Variants in HLX observed in about 807,000 individuals in gnomAD.
HLX encodes the protein H2.0-like homeobox protein.
Under a neutral mutation model 27.7 loss-of-function variants are expected in HLX, and 6 were observed. That is an observed-to-expected ratio of 0.22 (90% CI 0.12 to 0.43). HLX has a LOEUF of 0.43. Among genes scored for constraint, HLX ranks in the 20% least tolerant of loss-of-function variants. The pLI, the probability that HLX is intolerant of heterozygous loss-of-function variation, is 1.00. For synonymous variants in HLX, 328 were observed against 293.8 expected (o/e 1.12, Z -1.19); for missense variants, 666 against 655.2 (o/e 1.02, Z -0.18).
At chr1:220,883,282 AGTACAC>A (rs1180434735) in intron 3 of HLX, 1 of 95,160 alleles carries the variant, frequency 1.1e-5, no homozygotes, top group African/African-American at 3.8e-5. Flanking sequence ...TCTTCTCCCC[AGTACAC>A]ACACACACAC....
At chr1:220,881,785 CA>C in intron 2 of HLX, 1 of 389,890 alleles carries the variant, frequency 2.6e-6, no homozygotes. Flanking sequence ...CACACACACA[CA>C]CACACACACA....
chr1:220,879,879 C>G lies in HLX; in HGVS notation c.22C>G (p.Pro8Ala). ...CAGGATGTTCGCAGCCGGGCTGGCT[C>G]CCTTCTACGCCTCCAACTTCAGCCT... MFAAGLA[P>A]FYASNFSLWS... is the part of the protein sequence containing the mutation. The change falls in exon 1 of 4, where the codon CCC (proline) becomes GCC (alanine). Residue 8 changes from proline (P) to alanine (A), a missense_variant. By Grantham distance (27) the Pro-to-Ala change is conservative. Coordinates refer to ENST00000366903, the MANE Select transcript of HLX (RefSeq NM_021958.4). 1 of 1,586,926 alleles carries G rather than the reference C, an allele frequency of 6.3e-7. No individual in the cohort carries two copies. Among genetic ancestry groups the G allele is most frequent in the Non-Finnish European group, 8.5e-7 (1 of 1,173,482 alleles).
In HLX at chr1:220,884,314, T is replaced by C. The variant is rs1674520057; in HGVS notation, c.1077T>C (p.Asp359=). The change falls in exon 4 of 4, where the codon GAT becomes GAC. Residue 359 remains aspartate, a synonymous_variant. Transcript: ENST00000366903. This position sits in a 1 kb window ranked among gnomAD's most constrained non-coding sequence, Gnocchi z 4.9. ...EKPSGGAPAA[D]GEQDERSPSR... ...CATCAGGTGGAGCCCCGGCTGCGGA[T>C]GGCGAGCAGGACGAGAGGAGCCCCA... The C allele has an allele frequency of 4.3e-6, 7 of 1,613,532 alleles. No individual in the cohort carries two copies. Among genetic ancestry groups the C allele is most frequent in the Non-Finnish European group, 5.9e-6 (7 of 1,179,716 alleles).
At position 220,882,243 on chromosome 1, in the gene HLX, C is replaced by G; in HGVS notation, c.852C>G (p.Ser284=). 6.2e-7 allele frequency: 1 copy of G among 1,614,220 alleles called. No individual in the cohort carries two copies. Among genetic ancestry groups the G allele is most frequent in the East Asian group, 2.2e-5 (1 of 44,880 alleles). The part of the protein sequence containing the change: ...RKRSWSRAVF[S]NLQRKGLEKR... Reference sequence around the variant, plus strand: ...GTTCATGGTCGCGCGCTGTGTTCTCCAACCTGCAGAGGAAAGGCCTGGAGA... The same window carrying G: ...GTTCATGGTCGCGCGCTGTGTTCTCGAACCTGCAGAGGAAAGGCCTGGAGA... The change falls in exon 3 of 4, where the codon TCC becomes TCG. Residue 284 remains serine, a synonymous_variant. Coordinates refer to ENST00000366903, the MANE Select transcript of HLX (RefSeq NM_021958.4).
Position 220,879,582 on chromosome 1 carries a change from G to T in HLX, c.-276G>T, listed in dbSNP as rs988589596. The T allele has an allele frequency of 8.4e-6, 4 of 477,628 alleles. No individual in the cohort carries two copies. The highest frequency in any genetic ancestry group is 3.4e-5 in the South Asian group (1 of 29,250). 29.6% of individuals were successfully genotyped at this position (477,628 alleles called of 1,614,324 possible). ...CCCCCGCCCGCCCTGCGGCCCCAGC[G>T]CCCCTCGCTCTCATCCAGCCCGCGA... On this transcript the variant is annotated 5_prime_UTR_variant, in exon 1 of 4. Transcript: ENST00000366903.
Position 220,884,011 on chromosome 1 carries a change from G to A in HLX, c.958-184G>A, listed in dbSNP as rs1004718170. ...CCTAGGCCAGGATTCCTGGCTTCTTGTGTTCCCCTGGGCTGCCCCTTGGCT... is the reference window on the plus strand; with the variant it reads ...CCTAGGCCAGGATTCCTGGCTTCTTATGTTCCCCTGGGCTGCCCCTTGGCT... On this transcript the variant is annotated intron_variant, in intron 3 of 3. Transcript: ENST00000366903. This position sits in a 1 kb window ranked among gnomAD's most constrained non-coding sequence, Gnocchi z 4.9. The A allele has an allele frequency of 6.3e-6, 4 of 632,430 alleles. No homozygotes were observed. Among genetic ancestry groups the A allele is most frequent in the Non-Finnish European group, 1.1e-5 (4 of 360,918 alleles). The allele number at this position is 632,430 out of a possible 1,614,324, so 39.2% of individuals were successfully genotyped here.
intron 2 of HLX, chr1:220,881,604 G>A: frequency 1.7e-6 from 1 of 595,268 alleles, no homozygotes. Context: ...GTGTGTGCGT[G>A]GACGGTGGGG....
chr1:220,881,080 C>T (rs550683049), intron 1 of HLX, 114 bp from the exon 2 acceptor site: 53 of 988,670 alleles, frequency 5.4e-5, no homozygotes, highest in Non-Finnish European at 8.1e-5. Context: ...CGGGTTCTCT[C>T]TTGACTTCGC....
At position 220,884,186 on chromosome 1, in the gene HLX, G is replaced by A. The variant is rs149152615; in HGVS notation, c.958-9G>A. On this transcript the variant is annotated splice_polypyrimidine_tract_variant and intron_variant, in intron 3 of 3. Coordinates refer to ENST00000366903, the MANE Select transcript of HLX (RefSeq NM_021958.4). The surrounding 1 kb of genome is among the most constrained non-coding windows in gnomAD (Gnocchi z 4.9). ...GTCTCTTCTTGTCTCCCGGTGTGGC[G>A]CGGCGCAGGTGAAGGTGTGGTTCCA... 6,956 of 1,613,810 alleles carry A rather than the reference G, an allele frequency of 4.3e-3. 19 individuals are homozygous for A. The highest frequency in any genetic ancestry group is 4.8e-3 in the Non-Finnish European group (5,706 of 1,179,914).
Position 220,881,174 on chromosome 1 carries a change from T to G in HLX, c.593-20T>G, listed in dbSNP as rs749697341. On this transcript the variant is annotated intron_variant, in intron 1 of 3. Transcript: ENST00000366903. ...AGTGTGCCCGAGATGTAACCTGCTA[T>G]CCTTTTCCCTTGTCCCCAGATCTCA... The G allele has an allele frequency of 7.5e-6, 12 of 1,610,536 alleles. No homozygotes were observed. In the East Asian group the frequency reaches 2.7e-4, roughly 36 times the overall value.
At position 220,882,292 on chromosome 1, in the gene HLX, G is replaced by A. The variant is rs1198341200; in HGVS notation, c.901G>A (p.Val301Met). 1.2e-6 allele frequency: 2 copies of A among 1,614,226 alleles called. No homozygotes were observed. The highest frequency in any genetic ancestry group is 1.7e-6 in the Non-Finnish European group (2 of 1,180,034). ...GAAAAGGTTTGAGATTCAGAAGTACGTGACCAAGCCGGACCGAAAGCAGCT... is the reference window on the plus strand; with the variant it reads ...GAAAAGGTTTGAGATTCAGAAGTACATGACCAAGCCGGACCGAAAGCAGCT... ...LEKRFEIQKY[V>M]TKPDRKQLAA... Residue 301 changes from valine to methionine, a missense_variant, in exon 3 of 4, where the codon GTG (valine) becomes ATG (methionine). Val to Met is a conservative substitution (Grantham distance 21, BLOSUM62 1). Coordinates refer to ENST00000366903, the MANE Select transcript of HLX (RefSeq NM_021958.4).
At chr1:220,881,977 T>C (rs1674460051) in intron 2 of HLX, 187 bp from the exon 3 acceptor site, 3 of 691,866 alleles carry the variant, frequency 4.3e-6, no homozygotes, top group Admixed American at 2.0e-5. Context: ...CTTCCGACTG[T>C]CGTGTAAAAT....
chr1:220,880,592 C>T (rs1273436642), intron 1 of HLX, 143 bp downstream of exon 1: 2 of 877,782 alleles, frequency 2.3e-6, no homozygotes, highest in African/African-American at 3.3e-5. Flanking sequence ...TGTAAGAAAA[C>T]TACAAAACAT....
rs1674430342 is a variant in HLX, at chr1:220,881,231, G to C, written c.630G>C (p.Gly210=). 6.2e-7 allele frequency: 1 copy of C among 1,614,084 alleles called. No individual in the cohort carries two copies. Among genetic ancestry groups the C allele is most frequent in the East Asian group, 2.2e-5 (1 of 44,876 alleles). Residue 210 remains glycine, a synonymous_variant, in exon 2 of 4, where the codon GGG becomes GGC. Transcript: ENST00000366903. ...TGCTAACCGGTGGGCGGCCCGCCGG[G>C]GTGCACCTCTCAGGCCTGCAGCCCT... The part of the protein sequence containing the change: ...TSLLTGGRPA[G]VHLSGLQPSA...
chr1:220,882,560 A>G, intron 3 of HLX: 1 of 580,534 alleles, frequency 1.7e-6, no homozygotes, highest in East Asian at 2.9e-5. Flanking sequence ...AGAAGAGCTC[A>G]TCCCCAAGAT....
intron 2 of HLX, 84 bp from the exon 3 acceptor site, chr1:220,882,080 G>A (rs1182887406): frequency 3.8e-6 from 5 of 1,304,268 alleles, no homozygotes; most frequent in Admixed American, 3.4e-5. Flanking sequence ...CAAGCCTTAC[G>A]GGGACCCCCA....
rs1674388282 is a variant in HLX at position 220,880,035 on chromosome 1, G to A, written c.178G>A (p.Ala60Thr). ...LHAGVGDLGA[A>T]PEGLAGASAA... ...CGCCGGCGTGGGGGATCTGGGGGCG[G>A]CCCCGGAGGGCCTGGCAGGGGCCTC... The change falls in exon 1 of 4, where the codon GCC becomes ACC. Residue 60 changes from alanine to threonine, a missense_variant. Physicochemically the swap from Ala to Thr is moderately conservative, Grantham distance 58 (BLOSUM62 0). Coordinates refer to ENST00000366903, the MANE Select transcript of HLX (RefSeq NM_021958.4). 3.1e-6 allele frequency: 5 copies of A among 1,591,858 alleles called. No homozygotes were observed. In the African/African-American group the frequency reaches 4.0e-5, roughly 13 times the overall value.
chr1:220,880,190 G>C lies in HLX; in HGVS notation c.333G>C (p.Arg111=). 6.2e-7 allele frequency: 1 copy of C among 1,612,076 alleles called. No individual in the cohort carries two copies. The highest frequency in any genetic ancestry group is 8.5e-7 in the Non-Finnish European group (1 of 1,179,008). The change falls in exon 1 of 4, where the codon CGG becomes CGC. Residue 111 remains arginine, a synonymous_variant. Transcript: ENST00000366903. ...AAGTCCCGGCTGGCTTCCCGCAGCG[G>C]CTGTCTCCGCTCTCAGCCGCCTACC... ...PSEVPAGFPQ[R]LSPLSAAYHH...
At chr1:220,882,420 C>G in intron 3 of HLX, 72 bp downstream of exon 3, 1 of 1,427,792 alleles carries the variant, frequency 7.0e-7, no homozygotes, top group African/African-American at 1.4e-5. Context: ...CTGGTAGGTC[C>G]CCTCCATCCC....
Sources: allele counts gnomAD v4.1 joint callset, GRCh38; gene constraint gnomAD v4.1.1; non-coding constraint Gnocchi (gnomAD v3.1); transcripts MANE v1.5; gene names NCBI Gene and HGNC (gene_info 2026-07-23, HGNC 2026-07-21).